SDK1: variants seen among roughly 807,000 people sequenced by gnomAD.
SDK1 encodes protein sidekick-1.
In SDK1, 157 loss-of-function variants were observed where a neutral mutation model predicts 245.5. The observed-to-expected ratio is 0.64, with a 90% CI of 0.56 to 0.73. The LOEUF (loss-of-function observed/expected upper bound fraction) is 0.73. Ranked by LOEUF, SDK1 falls within the 30% of genes least tolerant of loss-of-function variation. The pLI, the probability that SDK1 is intolerant of heterozygous loss-of-function variation, is 0.00. For synonymous variants in SDK1, 1,647 were observed against 1,278.5 expected (o/e 1.29, Z -6.15); for missense variants, 3,583 against 3,002.3 (o/e 1.19, Z -4.52).
chr7:3,591,824 G>T (rs916513970), intron 1 of SDK1, among the ~76,000 whole-genome samples: 1 of 152,192 alleles, frequency 6.6e-6, no homozygotes, highest in African/African-American at 2.4e-5. Flanking sequence ...TATCCAATGG[G>T]AGGCAAACCT....
At chr7:3,766,980 A>G (rs1384079794) in intron 4 of SDK1, among the ~76,000 whole-genome samples, 1 of 152,300 alleles carries the variant, frequency 6.6e-6, no homozygotes, top group African/African-American at 2.4e-5. Context: ...TTTCGTAGCT[A>G]TTTGGATTTG....
intron 4 of SDK1, among the ~76,000 whole-genome samples, chr7:3,690,217 A>G (rs1319202712): frequency 6.6e-6 from 1 of 152,200 alleles, no homozygotes; most frequent in Non-Finnish European, 1.5e-5. Flanking sequence ...TAATGTTTCC[A>G]GGGCTTGCTA....
chr7:3,420,861 T>G lies in SDK1; in HGVS notation c.298+118977T>G, dbSNP rs111670889. Among the ~76,000 whole-genome samples the G allele has an allele frequency of 1.4e-3, 207 of 152,292 alleles. 2 individuals carry two copies. The highest frequency in any genetic ancestry group is 4.3e-3 in the African/African-American group (178 of 41,578). Reference sequence around the variant, plus strand: ...GCACCGATTAACCCATCACCAAGTATTAAACCCCACATGCATTAGCTATTT... The same window carrying G: ...GCACCGATTAACCCATCACCAAGTAGTAAACCCCACATGCATTAGCTATTT... On this transcript the variant is annotated intron_variant, in intron 1 of 44. Transcript: ENST00000404826.
chr7:3,551,119 T>C (rs1018088848), intron 1 of SDK1, among the ~76,000 whole-genome samples: 2 of 152,232 alleles, frequency 1.3e-5, no homozygotes, highest in African/African-American at 4.8e-5. Flanking sequence ...TTTTCGTTTT[T>C]GTTCTTTTGT....
At chr7:3,422,687 A>G (rs1337596740) in intron 1 of SDK1, among the ~76,000 whole-genome samples, 2 of 152,164 alleles carry the variant, frequency 1.3e-5, no homozygotes, top group African/African-American at 2.4e-5. Flanking sequence ...TGCATATCTA[A>G]TGAAATGATT....
At chr7:4,188,699 GAAA>G (rs909176179) in intron 35 of SDK1, among the ~76,000 whole-genome samples, 5 of 146,822 alleles carry the variant, frequency 3.4e-5, no homozygotes, top group African/African-American at 1.2e-4. Context: ...AAGAAAGAAA[GAAA>G]AAAAAAACTC....
intron 4 of SDK1, among the ~76,000 whole-genome samples, chr7:3,676,607 G>A (rs767462495): frequency 8.6e-5 from 13 of 151,986 alleles, no homozygotes; most frequent in Non-Finnish European, 1.5e-4. Flanking sequence ...TTACAGGCGT[G>A]AGCCACCACG....
intron 13 of SDK1, among the ~76,000 whole-genome samples, chr7:3,984,249 C>A (rs989240838): frequency 6.6e-6 from 1 of 151,994 alleles, no homozygotes; most frequent in Non-Finnish European, 1.5e-5. Context: ...GAGAGCTGAC[C>A]CCTGGAGGAC....
At chr7:3,481,776 C>G (rs1023348102) in intron 1 of SDK1, among the ~76,000 whole-genome samples, 9 of 152,162 alleles carry the variant, frequency 5.9e-5, no homozygotes, top group African/African-American at 2.2e-4. Flanking sequence ...GTCATTTGCT[C>G]CAGGGCATGG....
intron 4 of SDK1, among the ~76,000 whole-genome samples, chr7:3,771,606 G>A (rs1780407286): frequency 6.6e-6 from 1 of 152,104 alleles, no homozygotes; most frequent in African/African-American, 2.4e-5. Context: ...AATTTTTGAA[G>A]CCATCCATCA....
At chr7:4,203,699 C>T (rs1423507595) in intron 35 of SDK1, among the ~76,000 whole-genome samples, 1 of 152,214 alleles carries the variant, frequency 6.6e-6, no homozygotes, top group Non-Finnish European at 1.5e-5. Context: ...CAGAGCCTTC[C>T]TGAAAGTCAG....
chr7:3,560,123 G>A (rs1779702161), intron 1 of SDK1, among the ~76,000 whole-genome samples: 1 of 152,172 alleles, frequency 6.6e-6, no homozygotes, highest in Admixed American at 6.5e-5. Flanking sequence ...TATTAGGAAT[G>A]TTTGTTTTAT....
intron 1 of SDK1, among the ~76,000 whole-genome samples, chr7:3,471,645 G>A (rs1393139227): frequency 1.3e-5 from 2 of 152,180 alleles, no homozygotes; most frequent in Non-Finnish European, 2.9e-5. Context: ...AAGAAGTGTT[G>A]TCAACTTCAG....
At position 3,487,777 on chromosome 7, in the gene SDK1, GAAAA is replaced by G. The variant is rs1198242589; in HGVS notation, c.299-131302_299-131299del. 3.3e-5 allele frequency among the ~76,000 whole-genome samples: 3 copies of G among 91,626 alleles called. No homozygotes were observed. The Admixed American group carries it at 3.5e-4, about 11-fold the overall frequency. The allele number at this position is 91,626 out of a possible 152,430, so 60.1% of individuals were successfully genotyped here. On this transcript the variant is annotated intron_variant, in intron 1 of 44. Transcript: ENST00000404826. The stretch of plus-strand genomic sequence containing the variant: ...CTCAAAAAAAAAAAAAAAAAAAAAA[GAAAA>G]GGAATTACAGTGTCTTGTGGCTCTC...
At chr7:4,204,355 G>A (rs371071410) in intron 35 of SDK1, among the ~76,000 whole-genome samples, 4 of 152,122 alleles carry the variant, frequency 2.6e-5, no homozygotes, top group African/African-American at 4.8e-5. Context: ...CTGATAATGA[G>A]GCTGAGCATC....
chr7:3,531,465 A>G (rs1194477899), intron 1 of SDK1, among the ~76,000 whole-genome samples: 1 of 152,010 alleles, frequency 6.6e-6, no homozygotes. Flanking sequence ...TGTCCTTTGG[A>G]CTTTTTCACT....
Position 4,205,917 on chromosome 7 carries a change from C to T in SDK1, c.5137C>T (p.Leu1713Phe), listed in dbSNP as rs372591233. The T allele has an allele frequency of 5.1e-6, 8 of 1,559,724 alleles. No individual in the cohort carries two copies. The African/African-American group carries it at 1.1e-4, about 21-fold the overall frequency. Residue 1713 changes from leucine to phenylalanine, a missense_variant, in exon 36 of 45, where the codon CTC becomes TTC. Transcript: ENST00000404826. ...MAPQNVQVTPLTASQLEVTWD... is the reference protein window; with the variant it reads ...MAPQNVQVTPFTASQLEVTWD... ...CCCGCAGAACGTGCAGGTGACCCCA[C>T]TCACGGCCAGCCAGCTGGAGGTCAC...
intron 1 of SDK1, among the ~76,000 whole-genome samples, chr7:3,592,337 C>G (rs1212493803): frequency 6.6e-6 from 1 of 152,158 alleles, no homozygotes; most frequent in Non-Finnish European, 1.5e-5. Flanking sequence ...TTCAGATGTT[C>G]CAGAATAACA....
chr7:3,902,890 G>A (rs1486502228), intron 5 of SDK1, among the ~76,000 whole-genome samples: 3 of 152,038 alleles, frequency 2.0e-5, no homozygotes, highest in Non-Finnish European at 4.4e-5. Flanking sequence ...TCTGGTAAAG[G>A]TCATTGTCCA....
Sources: allele counts gnomAD v4.1 joint callset (sites outside exome capture counted in the v4.1 genomes callset), GRCh38; gene constraint gnomAD v4.1.1; transcripts MANE v1.5; gene names NCBI Gene and HGNC (gene_info 2026-07-23, HGNC 2026-07-21).